Variants in ACSBG2 observed in about 807,000 individuals in gnomAD.
ACSBG2 encodes acyl-CoA synthetase bubblegum family member 2, also known as long-chain-fatty-acid--CoA ligase ACSBG2.
A neutral mutation model predicts 74.7 loss-of-function variants in ACSBG2; 62 were observed. The observed-to-expected ratio is 0.83, with a 90% confidence interval of 0.68 to 1.03. The LOEUF (loss-of-function observed/expected upper bound fraction) is 1.03. Ranked by LOEUF, ACSBG2 falls within the 50% of genes least tolerant of loss-of-function variation. The probability of loss-of-function intolerance (pLI) is 0.00; values close to 1 mark genes in which losing one functional copy is unlikely to be tolerated. For synonymous variants in ACSBG2, 309 were observed against 294.1 expected (o/e 1.05, Z -0.52); for missense variants, 730 against 817.6 (o/e 0.89, Z 1.31).
Position 6,171,578 on chromosome 19 carries a change from T to C in ACSBG2, c.738+5563T>C, listed in dbSNP as rs138093267. On this transcript the variant is annotated intron_variant, in intron 7 of 14. Coordinates refer to ENST00000588485, the MANE Select transcript of ACSBG2 (RefSeq NM_030924.5). ...GGCTTGTGAGGTTTCTGCTAAGAAA[T>C]CCACTGTACGTCTGATGGAATTTCC... Among the ~76,000 whole-genome samples, 785 of 152,294 alleles carry C rather than the reference T, an allele frequency of 5.2e-3. 7 individuals carry two copies. Among genetic ancestry groups the C allele is most frequent in the East Asian group, 0.011 (57 of 5,190 alleles).
At chr19:6,191,898 C>T (rs1163124873) in intron 14 of ACSBG2, 3 of 151,984 alleles carry the variant, frequency 2.0e-5, no homozygotes, top group African/African-American at 7.3e-5. Context: ...CACAAGATTT[C>T]CAATTTCACT....
At chr19:6,161,573 A>T (rs2089619366) in intron 6 of ACSBG2, 1 of 318,094 alleles carries the variant, frequency 3.1e-6, no homozygotes, top group Non-Finnish European at 6.0e-6. Context: ...GTGGCCTTTC[A>T]AAGAAAGTGG....
rs1490978426 is a variant in ACSBG2, at chr19:6,176,378, GACC to G, written c.739-846_739-844del. The G allele has an allele frequency of 6.6e-6, 10 of 1,513,176 alleles. No homozygotes were observed. The Admixed American group carries it at 1.3e-4, about 19-fold the overall frequency. 93.7% of individuals were successfully genotyped at this position (1,513,176 alleles called of 1,614,324 possible). ...CAATATGGCTGAGTGGGAGGTAGCT[GACC>G]ACCATCTCATGCTTGTCTGTCAGTT... is the stretch of plus-strand genomic sequence containing the variant. On this transcript the variant is annotated intron_variant, in intron 7 of 14. Transcript: ENST00000588485.
In ACSBG2 at chr19:6,180,058, AG is replaced by A. The variant is rs528768372; in HGVS notation, c.906+2665del. Among the ~76,000 whole-genome samples the A allele has an allele frequency of 1.3e-5, 2 of 151,798 alleles. No homozygotes were observed. Among genetic ancestry groups the A allele is most frequent in the Non-Finnish European group, 2.9e-5 (2 of 67,932 alleles). On this transcript the variant is annotated intron_variant, in intron 8 of 14. Transcript: ENST00000588485. This position sits in a 1 kb window ranked among gnomAD's most constrained non-coding sequence, Gnocchi z 4.3. The stretch of plus-strand genomic sequence containing the variant: ...AGAGGCCACCTATGTTCCTTATCTC[AG>A]GGCCCCTTCCTCCATCTTCACAGCC...
intron 5 of ACSBG2, among the ~76,000 whole-genome samples, chr19:6,158,807 A>C (rs2089513066): frequency 6.6e-6 from 1 of 152,162 alleles, no homozygotes; most frequent in Admixed American, 6.6e-5. Context: ...ATGAAATCCT[A>C]GCTAGACTCA....
chr19:6,189,285 G>C (rs1399202297), intron 13 of ACSBG2, among the ~76,000 whole-genome samples: 1 of 152,108 alleles, frequency 6.6e-6, no homozygotes, highest in Admixed American at 6.6e-5. Context: ...TAAAGCATCA[G>C]AACATGAAAT....
intron 5 of ACSBG2, among the ~76,000 whole-genome samples, chr19:6,158,186 G>A (rs2089487909): frequency 6.6e-6 from 1 of 151,734 alleles, no homozygotes; most frequent in Non-Finnish European, 1.5e-5. Context: ...CTCCCGAGTA[G>A]CTGGGACTAC....
intron 6 of ACSBG2, among the ~76,000 whole-genome samples, chr19:6,163,324 C>A (rs2089687159): frequency 1.1e-5 from 1 of 89,794 alleles, no homozygotes; most frequent in Non-Finnish European, 2.6e-5. Context: ...GTGGCATGCG[C>A]CTGTAGTCCC....
rs1448531727 is a variant in ACSBG2, at chr19:6,182,742, T to C, written c.907-9T>C. On this transcript the variant is annotated splice_polypyrimidine_tract_variant and intron_variant, in intron 8 of 14. Coordinates refer to ENST00000588485, the MANE Select transcript of ACSBG2 (RefSeq NM_030924.5). ...CCTGCTGTGGCTAACCTAGCTTCGT[T>C]CCATACAGGGCACCTTGGTAAGTAC... 1.2e-6 allele frequency: 2 copies of C among 1,613,162 alleles called. No homozygotes were observed. Among genetic ancestry groups the C allele is most frequent in the Non-Finnish European group, 1.7e-6 (2 of 1,179,466 alleles).
At chr19:6,190,798 CAT>C (rs72157010) in intron 14 of ACSBG2, 106 bp downstream of exon 14, 221,039 of 551,194 alleles carry the variant, frequency 0.4, 48,549 homozygotes, top group East Asian at 0.61. Flanking sequence ...AAAACACACA[CAT>C]ACACACATAC....
intron 11 of ACSBG2, 35 bp from the exon 12 acceptor site, chr19:6,187,248 T>G (rs1568257742): frequency 6.2e-7 from 1 of 1,613,176 alleles, no homozygotes; most frequent in African/African-American, 1.3e-5. Context: ...CACGTTGTCA[T>G]GGCTGGACAT....
intron 1 of ACSBG2, among the ~76,000 whole-genome samples, chr19:6,140,341 C>A (rs1446916083): frequency 1.3e-5 from 2 of 151,864 alleles, no homozygotes; most frequent in Non-Finnish European, 1.5e-5. Flanking sequence ...TATGCAAAAA[C>A]CCAGGGTAGC....
chr19:6,150,327 C>G (rs2089191332), intron 3 of ACSBG2, among the ~76,000 whole-genome samples: 1 of 146,484 alleles, frequency 6.8e-6, no homozygotes, highest in African/African-American at 2.6e-5. Flanking sequence ...CAGTCTCACT[C>G]CTGGATATTT....
At chr19:6,149,767 C>T (rs577720142) in intron 3 of ACSBG2, among the ~76,000 whole-genome samples, 2 of 144,488 alleles carry the variant, frequency 1.4e-5, no homozygotes, top group South Asian at 4.2e-4. Context: ...CTTGGCCTCC[C>T]AAAGTGCTGG....
rs375567599 is a variant in ACSBG2 at position 6,187,591 on chromosome 19, G to T, written c.1681-8G>T. On this transcript the variant is annotated splice_polypyrimidine_tract_variant and splice_region_variant and intron_variant, in intron 12 of 14. Coordinates refer to ENST00000588485, the MANE Select transcript of ACSBG2 (RefSeq NM_030924.5). ...AGCATGGGTGGTGACAGAGGTGTCTGGGGGCAGTGTGAGATGAATCAGATG... is the reference window on the plus strand; with the variant it reads ...AGCATGGGTGGTGACAGAGGTGTCTTGGGGCAGTGTGAGATGAATCAGATG... 1.3e-5 allele frequency: 21 copies of T among 1,613,872 alleles called. No individual in the cohort carries two copies. In the African/African-American group the frequency reaches 2.3e-4, roughly 17 times the overall value.
intron 1 of ACSBG2, among the ~76,000 whole-genome samples, chr19:6,136,161 G>A (rs1266470395): frequency 3.0e-5 from 2 of 67,120 alleles, no homozygotes; most frequent in South Asian, 4.5e-4. Flanking sequence ...GCGCAATCTC[G>A]GCTCACTGCA....
At chr19:6,138,513 G>A (rs1173715638) in intron 1 of ACSBG2, among the ~76,000 whole-genome samples, 1 of 123,872 alleles carries the variant, frequency 8.1e-6, no homozygotes, top group African/African-American at 3.1e-5. Context: ...GGGAGGGAAA[G>A]AGGAAGGAGG....
At chr19:6,154,093 C>T (rs541489389) in intron 4 of ACSBG2, among the ~76,000 whole-genome samples, 1 of 152,038 alleles carries the variant, frequency 6.6e-6, no homozygotes, top group South Asian at 2.1e-4. Flanking sequence ...CCCTGTCTTA[C>T]AGTGAGTTGA....
chr19:6,190,689 G>C lies in ACSBG2; in HGVS notation c.*32G>C, dbSNP rs2090536842. On this transcript the variant is annotated 3_prime_UTR_variant, in exon 14 of 15. Coordinates refer to ENST00000588485, the MANE Select transcript of ACSBG2 (RefSeq NM_030924.5). ...TGATGGAGCTGCTCTCAGCTGTTCT[G>C]ATGGTGAGATTCAGTTGCTTGGCTT... 2 of 1,599,982 alleles carry C rather than the reference G, an allele frequency of 1.3e-6. No homozygotes were observed. The highest frequency in any genetic ancestry group is 2.7e-5 in the African/African-American group (2 of 74,714).
Sources: allele counts gnomAD v4.1 joint callset (sites outside exome capture counted in the v4.1 genomes callset), GRCh38; gene constraint gnomAD v4.1.1; non-coding constraint Gnocchi (gnomAD v3.1); transcripts MANE v1.5; gene names NCBI Gene and HGNC (gene_info 2026-07-23, HGNC 2026-07-21).